Variants in SCAND3 observed in about 807,000 individuals in gnomAD.
SCAND3 encodes SCAN domain containing 3.
At chr6:28,575,158 T>C in the SCAND3 span, 1 of 1,614,138 alleles carries the variant, frequency 6.2e-7, no homozygotes, top group African/African-American at 1.3e-5. The surrounding 1 kb of genome is among the most constrained non-coding windows in gnomAD (Gnocchi z 4.2). Flanking sequence ...ACATGGAGTC[T>C]GTTGCATGCT....
chr6:28,597,367 G>C, the SCAND3 span, among the ~76,000 whole-genome samples: 4 of 152,292 alleles, frequency 2.6e-5, no homozygotes, highest in East Asian at 1.9e-4. Context: ...GAACCCACGC[G>C]TGCAGAGCAC....
chr6:28,614,005 C>G, the SCAND3 span, among the ~76,000 whole-genome samples: 2 of 151,474 alleles, frequency 1.3e-5, no homozygotes, highest in African/African-American at 4.9e-5. Context: ...CTCTTGTTGC[C>G]CAGGATGGAG....
chr6:28,589,609 T>G, the SCAND3 span: 2 of 152,202 alleles, frequency 1.3e-5, no homozygotes, highest in African/African-American at 4.8e-5. Flanking sequence ...ACCAAGCTCT[T>G]TCGCCTAGAA....
chr6:28,598,139 G>A, the SCAND3 span: 1 of 152,170 alleles, frequency 6.6e-6, no homozygotes, highest in Non-Finnish European at 1.5e-5. Flanking sequence ...TAGAGCAGGA[G>A]CCAGCTAGCT....
At chr6:28,573,206 G>T in the SCAND3 span, 1 of 1,613,992 alleles carries the variant, frequency 6.2e-7, no homozygotes, top group Non-Finnish European at 8.5e-7. Context: ...TACTTTGCTA[G>T]TTTTATTTGT....
chr6:28,586,276 G>T, the SCAND3 span: 1 of 1,566,082 alleles, frequency 6.4e-7, no homozygotes. The surrounding 1 kb of genome is among the most constrained non-coding windows in gnomAD (Gnocchi z 4.4). Context: ...CTCCACAGAA[G>T]ATGGCACCTC....
At chr6:28,614,782 T>C in the SCAND3 span, among the ~76,000 whole-genome samples, 3 of 152,142 alleles carry the variant, frequency 2.0e-5, no homozygotes, top group African/African-American at 7.2e-5. Flanking sequence ...CAGTCTTGAA[T>C]AAACTGTACA....
chr6:28,605,101 G>T, the SCAND3 span, among the ~76,000 whole-genome samples: 2 of 152,018 alleles, frequency 1.3e-5, no homozygotes, highest in African/African-American at 4.8e-5. Flanking sequence ...GTTGTTTTTC[G>T]ATTGGTATCT....
chr6:28,594,522 G>A, the SCAND3 span, among the ~76,000 whole-genome samples: 1 of 152,246 alleles, frequency 6.6e-6, no homozygotes, highest in African/African-American at 2.4e-5. Flanking sequence ...GGGCATGATG[G>A]CACATGCTTG....
the SCAND3 span, among the ~76,000 whole-genome samples, chr6:28,605,030 G>T: frequency 6.6e-6 from 1 of 152,152 alleles, no homozygotes; most frequent in South Asian, 2.1e-4. Flanking sequence ...CCCATAACAA[G>T]AGTGTCAGGC....
At chr6:28,574,909 C>T in the SCAND3 span, 2 of 1,613,946 alleles carry the variant, frequency 1.2e-6, no homozygotes, top group Non-Finnish European at 1.7e-6. Flanking sequence ...GGATAAAAAT[C>T]TTAGTCTGCT....
At chr6:28,589,852 G>GTTTTTTTTTTTTT in the SCAND3 span, 4 of 117,668 alleles carry the variant, frequency 3.4e-5, no homozygotes, top group Non-Finnish European at 7.0e-5. Context: ...TTGTTTTTTT[G>GTTTTTTTTTTTTT]TTTGTTTTTT....
At chr6:28,600,743 A>G in the SCAND3 span, among the ~76,000 whole-genome samples, 1 of 152,188 alleles carries the variant, frequency 6.6e-6, no homozygotes, top group African/African-American at 2.4e-5. Flanking sequence ...AATTTTTTGC[A>G]TAACTGGAAA....
At chr6:28,604,814 T>C in the SCAND3 span, among the ~76,000 whole-genome samples, 1 of 152,178 alleles carries the variant, frequency 6.6e-6, no homozygotes, top group African/African-American at 2.4e-5. Flanking sequence ...TGACTTTTTG[T>C]ATCTGTTGAG....
chr6:28,599,839 G>A, the SCAND3 span, among the ~76,000 whole-genome samples: 259 of 152,132 alleles, frequency 1.7e-3, 1 homozygote, highest in Middle Eastern at 6.8e-3. Flanking sequence ...TAGACCCATA[G>A]TAAACTTACC....
At chr6:28,571,662 G>A in the SCAND3 span, 1 of 393,574 alleles carries the variant, frequency 2.5e-6, no homozygotes. Context: ...AGAATCAACA[G>A]ATTTAAAATT....
chr6:28,578,556 C>G, the SCAND3 span, among the ~76,000 whole-genome samples: 1 of 152,108 alleles, frequency 6.6e-6, no homozygotes, highest in Non-Finnish European at 1.5e-5. Context: ...GATAGCATTT[C>G]TTTCCATACT....
chr6:28,606,554 A>G, the SCAND3 span, among the ~76,000 whole-genome samples: 1 of 152,138 alleles, frequency 6.6e-6, no homozygotes, highest in Non-Finnish European at 1.5e-5. Flanking sequence ...AGTTTGGCTT[A>G]GCAGGGGACC....
chr6:28,575,630 G>A, the SCAND3 span: 63 of 1,613,960 alleles, frequency 3.9e-5, no homozygotes, highest in Admixed American at 9.7e-4. The surrounding 1 kb of genome is among the most constrained non-coding windows in gnomAD (Gnocchi z 4.2). Context: ...ACCTTCTTGA[G>A]TTTTGAATTT....
Sources: allele counts gnomAD v4.1 joint callset (sites outside exome capture counted in the v4.1 genomes callset), GRCh38; gene constraint gnomAD v4.1.1; non-coding constraint Gnocchi (gnomAD v3.1); transcripts MANE v1.5; gene names NCBI Gene and HGNC (gene_info 2026-07-23, HGNC 2026-07-21).